The following ADAMTS2 variants were observed in gnomAD, a reference collection of about 807,000 sequenced individuals.
The protein encoded by ADAMTS2 is ADAM metallopeptidase with thrombospondin type 1 motif 2.
ADAMTS2 carries 50 observed loss-of-function variants against 123.0 expected under a neutral mutation model. The ratio of observed to expected loss-of-function variants is 0.41; its 90% CI spans 0.32 to 0.51. The LOEUF (loss-of-function observed/expected upper bound fraction) is 0.51, where lower values mean the gene tolerates loss of function less well. Among genes scored for constraint, ADAMTS2 ranks in the 20% least tolerant of loss-of-function variants. The probability of loss-of-function intolerance (pLI) is 0.35; values close to 1 mark genes in which losing one functional copy is unlikely to be tolerated. For missense variants in ADAMTS2, 1,494 were observed against 1,705.2 expected (o/e 0.88, Z 2.18); for synonymous variants, 678 against 695.4 (o/e 0.98, Z 0.39).
At chr5:179,240,265 G>C (rs1472086594) in intron 3 of ADAMTS2, among the ~76,000 whole-genome samples, 1 of 152,226 alleles carries the variant, frequency 6.6e-6, no homozygotes, top group Admixed American at 6.5e-5. Flanking sequence ...AAGCAGGGCT[G>C]AGCTTTGTTC....
At chr5:179,126,527 G>A (rs567941881) in intron 17 of ADAMTS2, among the ~76,000 whole-genome samples, 1 of 152,228 alleles carries the variant, frequency 6.6e-6, no homozygotes, top group Non-Finnish European at 1.5e-5. Flanking sequence ...CAGAGCAGCC[G>A]TGCTCAACCC....
intron 2 of ADAMTS2, among the ~76,000 whole-genome samples, chr5:179,294,729 G>T (rs1403264807): frequency 6.6e-6 from 1 of 152,258 alleles, no homozygotes; most frequent in Non-Finnish European, 1.5e-5. Context: ...TGATGCCAGA[G>T]AAACTTCCTG....
chr5:179,150,093 C>CCACA (rs1240072507), intron 10 of ADAMTS2, among the ~76,000 whole-genome samples: 1 of 151,838 alleles, frequency 6.6e-6, no homozygotes, highest in Non-Finnish European at 1.5e-5. Flanking sequence ...TGCAGGCCAG[C>CCACA]CACACACACA....
intron 3 of ADAMTS2, among the ~76,000 whole-genome samples, chr5:179,235,714 C>A (rs1473374849): frequency 6.6e-6 from 1 of 152,202 alleles, no homozygotes; most frequent in Non-Finnish European, 1.5e-5. Flanking sequence ...TCTGCTCAGA[C>A]CAAAGGCAGA....
intron 2 of ADAMTS2, among the ~76,000 whole-genome samples, chr5:179,286,703 C>T (rs893795366): frequency 2.6e-5 from 4 of 152,182 alleles, no homozygotes; most frequent in Non-Finnish European, 5.9e-5. Flanking sequence ...CCCTAGGTTG[C>T]TCGGGCAGCC....
intron 7 of ADAMTS2, 137 bp from the exon 8 acceptor site, chr5:179,154,329 C>T: frequency 7.9e-7 from 1 of 1,265,364 alleles, no homozygotes; most frequent in South Asian, 1.4e-5. Flanking sequence ...CCGGGTGGCA[C>T]CGACCATCTA....
intron 3 of ADAMTS2, among the ~76,000 whole-genome samples, chr5:179,219,093 C>G (rs1052631334): frequency 2.0e-5 from 3 of 152,164 alleles, no homozygotes; most frequent in African/African-American, 7.2e-5. Context: ...CAGGAGTGCC[C>G]AAGGGGTCCT....
At chr5:179,165,036 T>C (rs142692720) in intron 5 of ADAMTS2, among the ~76,000 whole-genome samples, 2,655 of 152,322 alleles carry the variant, frequency 0.017, 41 homozygotes, top group Middle Eastern at 0.041. Flanking sequence ...CCCTCGCTAC[T>C]GGAGGCAGTC....
intron 3 of ADAMTS2, among the ~76,000 whole-genome samples, chr5:179,250,181 A>C (rs1368468974): frequency 2.6e-5 from 4 of 152,220 alleles, no homozygotes; most frequent in African/African-American, 9.6e-5. Flanking sequence ...AAGGACTAGA[A>C]GGGAAATTCC....
In ADAMTS2 at chr5:179,343,919, C is replaced by A; in HGVS notation, c.382G>T (p.Ala128Ser). The change falls in exon 2 of 22, where the codon GCC becomes TCC. Residue 128 changes from alanine to serine, a missense_variant. Physicochemically the swap from Ala to Ser is moderately conservative, Grantham distance 99 (BLOSUM62 1). Around this residue, in one of 6 missense-constraint regions of ADAMTS2, gnomAD observed 237 missense variants for 233.7 expected, o/e 1.01. Coordinates refer to ENST00000251582, the MANE Select transcript of ADAMTS2 (RefSeq NM_014244.5). ...RDLHLRLRPN[A>S]RLVAPGATME... is the part of the protein sequence containing the mutation. Reference sequence around the variant, plus strand: ...GTGGCCCCGGGCGCCACGAGGCGGGCGTTGGGCCGCAGCCGCAGGTGCAGG... The same window carrying A: ...GTGGCCCCGGGCGCCACGAGGCGGGAGTTGGGCCGCAGCCGCAGGTGCAGG... 2 of 1,607,520 alleles carry A rather than the reference C, an allele frequency of 1.2e-6. No homozygotes were observed. The highest frequency in any genetic ancestry group is 1.7e-6 in the Non-Finnish European group (2 of 1,178,120).
chr5:179,326,570 C>G (rs1217741089), intron 2 of ADAMTS2, among the ~76,000 whole-genome samples: 1 of 148,194 alleles, frequency 6.7e-6, no homozygotes, highest in Non-Finnish European at 1.5e-5. Context: ...TCCGTGTGTC[C>G]AAGCGCTTTC....
chr5:179,317,691 G>A lies in ADAMTS2; in HGVS notation c.534+26076C>T, dbSNP rs866485109. Among the ~76,000 whole-genome samples the A allele has an allele frequency of 1.3e-5, 2 of 152,302 alleles. No homozygotes were observed. Among genetic ancestry groups the A allele is most frequent in the South Asian group, 2.1e-4 (1 of 4,826 alleles). On this transcript the variant is annotated intron_variant, in intron 2 of 21. Transcript: ENST00000251582. This position sits in a 1 kb window ranked among gnomAD's most constrained non-coding sequence, Gnocchi z 4.9. ...GCCCCACACAAACGCCCCCACATGT[G>A]CATCGCATACATCACCCACACACAC...
At chr5:179,172,831 C>A (rs1304368464) in intron 5 of ADAMTS2, among the ~76,000 whole-genome samples, 1 of 151,950 alleles carries the variant, frequency 6.6e-6, no homozygotes, top group Non-Finnish European at 1.5e-5. Flanking sequence ...TTGGATCCTA[C>A]CATTTTTAAA....
chr5:179,138,019 T>C, intron 11 of ADAMTS2, 75 bp from the exon 12 acceptor site: 1 of 1,482,362 alleles, frequency 6.7e-7, no homozygotes, highest in Non-Finnish European at 9.1e-7. Flanking sequence ...TTGTGAGATC[T>C]TTTTAGGGGG....
At chr5:179,169,503 G>C (rs371742395) in intron 5 of ADAMTS2, among the ~76,000 whole-genome samples, 1 of 152,226 alleles carries the variant, frequency 6.6e-6, no homozygotes, top group Non-Finnish European at 1.5e-5. Context: ...GAGGTGGATG[G>C]AGGATGATGT....
At chr5:179,178,604 T>C (rs1763980830) in intron 5 of ADAMTS2, among the ~76,000 whole-genome samples, 1 of 152,278 alleles carries the variant, frequency 6.6e-6, no homozygotes, top group African/African-American at 2.4e-5. Context: ...TTTTAGTTTG[T>C]GCCTTCTCTC....
chr5:179,222,362 C>A (rs954327188), intron 3 of ADAMTS2, among the ~76,000 whole-genome samples: 2 of 152,180 alleles, frequency 1.3e-5, no homozygotes, highest in Admixed American at 6.5e-5. Context: ...AAAATTTAAT[C>A]CCCAAGGCAG....
intron 6 of ADAMTS2, among the ~76,000 whole-genome samples, chr5:179,157,037 C>T (rs1763486754): frequency 6.8e-6 from 1 of 146,502 alleles, no homozygotes; most frequent in Non-Finnish European, 1.5e-5. Flanking sequence ...AATCTCGGCT[C>T]ACTGCAACCT....
At chr5:179,213,417 G>C (rs970731603) in intron 3 of ADAMTS2, among the ~76,000 whole-genome samples, 1 of 152,184 alleles carries the variant, frequency 6.6e-6, no homozygotes, top group Non-Finnish European at 1.5e-5. Flanking sequence ...GGAGACCATG[G>C]GGTCTGGTGT....
Sources: allele counts gnomAD v4.1 joint callset (sites outside exome capture counted in the v4.1 genomes callset), GRCh38; gene constraint gnomAD v4.1.1; regional missense constraint gnomAD v4.1.1; non-coding constraint Gnocchi (gnomAD v3.1); transcripts MANE v1.5; gene names NCBI Gene and HGNC (gene_info 2026-07-23, HGNC 2026-07-21).